TCF7L1: variants seen among roughly 807,000 people sequenced by gnomAD.
TCF7L1 encodes the protein transcription factor 7 like 1, also known as transcription factor 7-like 1.
Under a neutral mutation model 63.7 loss-of-function variants are expected in TCF7L1, and 18 were observed. That is an observed-to-expected ratio of 0.28 (90% CI 0.20 to 0.42). The LOEUF (loss-of-function observed/expected upper bound fraction) is 0.42. TCF7L1 is among the 10% of genes least tolerant of loss of function. The pLI is 1.00. For missense variants in TCF7L1, 654 were observed against 779.3 expected (o/e 0.84, Z 1.91); for synonymous variants, 355 against 340.9 (o/e 1.04, Z -0.46).
chr2:85,172,550 C>G (rs1678571506), intron 3 of TCF7L1, among the ~76,000 whole-genome samples: 13 of 152,200 alleles, frequency 8.5e-5, no homozygotes, highest in Admixed American at 7.8e-4. Flanking sequence ...CCTCAGCCTC[C>G]TGAGTAGCTG....
intron 3 of TCF7L1, among the ~76,000 whole-genome samples, chr2:85,159,543 G>A (rs1283130764): frequency 6.6e-6 from 1 of 152,236 alleles, no homozygotes; most frequent in Non-Finnish European, 1.5e-5. Flanking sequence ...AGATCTGAGG[G>A]AATGTGAAAG....
At chr2:85,161,721 C>T (rs186348992) in intron 3 of TCF7L1, among the ~76,000 whole-genome samples, 53 of 152,284 alleles carry the variant, frequency 3.5e-4, no homozygotes, top group Non-Finnish European at 6.8e-4. Context: ...CTGTGGCCTG[C>T]GGGTTTGTGG....
intron 3 of TCF7L1, among the ~76,000 whole-genome samples, chr2:85,273,967 G>A (rs1257444504): frequency 6.6e-6 from 1 of 152,168 alleles, no homozygotes; most frequent in Non-Finnish European, 1.5e-5. Context: ...GCCAGCAGGT[G>A]GACTCTGCAT....
intron 3 of TCF7L1, among the ~76,000 whole-genome samples, chr2:85,210,486 C>T (rs907745460): frequency 2.0e-5 from 3 of 152,214 alleles, no homozygotes; most frequent in African/African-American, 7.2e-5. Context: ...ACAGGTAAAA[C>T]TATCACAGTT....
At chr2:85,161,892 G>A (rs901328075) in intron 3 of TCF7L1, among the ~76,000 whole-genome samples, 2 of 152,118 alleles carry the variant, frequency 1.3e-5, no homozygotes, top group Non-Finnish European at 2.9e-5. Flanking sequence ...AAACAGAGCC[G>A]GAGGGGGAGC....
chr2:85,150,507 C>T (rs922978805), intron 3 of TCF7L1, among the ~76,000 whole-genome samples: 19 of 152,110 alleles, frequency 1.2e-4, no homozygotes, highest in Admixed American at 2.0e-4. Context: ...GCTGGTATTA[C>T]AGGCGTGAGC....
At chr2:85,282,605 G>A (rs1681443543) in intron 3 of TCF7L1, among the ~76,000 whole-genome samples, 1 of 152,080 alleles carries the variant, frequency 6.6e-6, no homozygotes, top group Non-Finnish European at 1.5e-5. Flanking sequence ...GCTGAAACTG[G>A]GACTCAGAGT....
intron 3 of TCF7L1, among the ~76,000 whole-genome samples, chr2:85,185,824 C>T (rs1487252676): frequency 5.3e-5 from 8 of 152,042 alleles, no homozygotes; most frequent in Admixed American, 1.3e-4. Context: ...CCTCACTGTG[C>T]GGGTAGCCCC....
intron 3 of TCF7L1, among the ~76,000 whole-genome samples, chr2:85,197,336 G>A (rs149256246): frequency 0.02 from 3,068 of 152,190 alleles, 39 homozygotes; most frequent in Non-Finnish European, 0.032. Context: ...GCTTGAACCC[G>A]GGAGGCAGAG....
chr2:85,208,369 GGAGA>G (rs935459637), intron 3 of TCF7L1, among the ~76,000 whole-genome samples: 10 of 152,128 alleles, frequency 6.6e-5, no homozygotes, highest in Non-Finnish European at 1.2e-4. Context: ...CCTTCTGGCA[GGAGA>G]GAGAGACATA....
chr2:85,162,466 C>T (rs1287968821), intron 3 of TCF7L1, among the ~76,000 whole-genome samples: 1 of 152,120 alleles, frequency 6.6e-6, no homozygotes. Flanking sequence ...CCAGGCCACC[C>T]CTTATTAAAC....
chr2:85,296,197 TCATGGATTA>T (rs1681836852), intron 4 of TCF7L1, among the ~76,000 whole-genome samples: 1 of 152,232 alleles, frequency 6.6e-6, no homozygotes, highest in Non-Finnish European at 1.5e-5. Context: ...CCACCTGGCA[TCATGGATTA>T]CATGTAGCCC....
At chr2:85,176,909 C>T (rs1473726688) in intron 3 of TCF7L1, among the ~76,000 whole-genome samples, 3 of 151,296 alleles carry the variant, frequency 2.0e-5, no homozygotes, top group Non-Finnish European at 2.9e-5. Context: ...ATCGCTTAAA[C>T]CCAGGAGGTG....
intron 4 of TCF7L1, among the ~76,000 whole-genome samples, chr2:85,292,630 G>T (rs762315434): frequency 2.6e-5 from 4 of 152,126 alleles, no homozygotes; most frequent in East Asian, 1.9e-4. Flanking sequence ...AGGCTGGAGT[G>T]CAGTGGCACA....
chr2:85,153,528 AG>A (rs1678073055), intron 3 of TCF7L1, among the ~76,000 whole-genome samples: 1 of 151,826 alleles, frequency 6.6e-6, no homozygotes, highest in Non-Finnish European at 1.5e-5. Flanking sequence ...TTTTTAGTAA[AG>A]ATGGGATTTC....
intron 3 of TCF7L1, among the ~76,000 whole-genome samples, chr2:85,251,842 G>A (rs1248981597): frequency 6.6e-6 from 1 of 152,198 alleles, no homozygotes. Context: ...GGAGGCGGAA[G>A]CAGGCAGATC....
chr2:85,149,167 G>A (rs1677947426), intron 3 of TCF7L1, among the ~76,000 whole-genome samples: 1 of 152,162 alleles, frequency 6.6e-6, no homozygotes, highest in East Asian at 1.9e-4. Context: ...TTTAGTGCGG[G>A]TTTTGAATTT....
chr2:85,294,427 G>A lies in TCF7L1; in HGVS notation c.526-8057G>A, dbSNP rs372060094. ...TTGATTCAGTGGGTCGCGGTAGGTCGAGCCTGAGAATTTGCATTCTAACAA... is the reference window on the plus strand; with the variant it reads ...TTGATTCAGTGGGTCGCGGTAGGTCAAGCCTGAGAATTTGCATTCTAACAA... On this transcript the variant is annotated intron_variant, in intron 4 of 11. Coordinates refer to ENST00000282111, the MANE Select transcript of TCF7L1 (RefSeq NM_031283.3). 4.6e-5 allele frequency among the ~76,000 whole-genome samples: 7 copies of A among 152,084 alleles called. No homozygotes were observed. The South Asian group carries it at 8.3e-4, about 18-fold the overall frequency.
chr2:85,296,658 G>A (rs1359730238), intron 4 of TCF7L1, among the ~76,000 whole-genome samples: 3 of 152,166 alleles, frequency 2.0e-5, no homozygotes, highest in South Asian at 2.1e-4. Context: ...CACCTGCATC[G>A]TTCCTTCTGT....
Sources: allele counts gnomAD v4.1 joint callset (sites outside exome capture counted in the v4.1 genomes callset), GRCh38; gene constraint gnomAD v4.1.1; transcripts MANE v1.5; gene names NCBI Gene and HGNC (gene_info 2026-07-23, HGNC 2026-07-21).